OR4F15: variants seen among roughly 807,000 people sequenced by gnomAD.
The protein encoded by OR4F15 is olfactory receptor family 4 subfamily F member 15, also known as olfactory receptor 4F15.
A neutral mutation model predicts 11.9 loss-of-function variants in OR4F15; 7 were observed. That is an observed-to-expected ratio of 0.59 (90% CI 0.33 to 1.10). OR4F15 has a LOEUF of 1.10. Among genes scored for constraint, OR4F15 ranks in the 50% least tolerant of loss-of-function variants. The pLI is 0.03. For synonymous variants in OR4F15, 151 were observed against 134.6 expected, an observed-to-expected ratio of 1.12 and a Z score of -0.84; for missense variants, 445 against 377.5, an observed-to-expected ratio of 1.18 and a Z score of -1.48.
intron 1 of OR4F15, among the ~76,000 whole-genome samples, chr15:101,813,633 C>T (rs191110979): frequency 1.1e-4 from 16 of 152,050 alleles, no homozygotes; most frequent in Admixed American, 3.9e-4. Context: ...TGGTTCAGAA[C>T]GTAGTCTCAG....
At chr15:101,815,767 A>G (rs1902978208) in intron 1 of OR4F15, among the ~76,000 whole-genome samples, 1 of 152,184 alleles carries the variant, frequency 6.6e-6, no homozygotes, top group Non-Finnish European at 1.5e-5. Flanking sequence ...GAATTAATGA[A>G]CAAAAATCAT....
intron 1 of OR4F15, among the ~76,000 whole-genome samples, chr15:101,813,505 T>G (rs1194575856): frequency 9.5e-6 from 1 of 105,622 alleles, no homozygotes; most frequent in Admixed American, 9.6e-5. Flanking sequence ...TGAGAATCTG[T>G]CTCAAAAAAA....
intron 1 of OR4F15, among the ~76,000 whole-genome samples, chr15:101,813,675 A>G (rs766469511): frequency 6.6e-6 from 1 of 152,176 alleles, no homozygotes; most frequent in Non-Finnish European, 1.5e-5. Flanking sequence ...TTATTGATTG[A>G]GAATAATGAA....
chr15:101,819,346 C>T lies in OR4F15; in HGVS notation c.*221C>T, dbSNP rs1052718147. ...TATTAAATCTTAATGTCTTTTGTAA[C>T]CTACCACTTTGAAAGACCTTGTTCT... On this transcript the variant is annotated 3_prime_UTR_variant, in exon 2 of 2. Transcript: ENST00000332238. The T allele has an allele frequency of 8.2e-6, 4 of 485,708 alleles. No homozygotes were observed. Among genetic ancestry groups the T allele is most frequent in the African/African-American group, 7.8e-5 (4 of 51,572 alleles). 30.1% of individuals were successfully genotyped at this position (485,708 alleles called of 1,614,324 possible). A position where few individuals can be genotyped will look rare whatever the true frequency, so the allele number is the denominator to read the frequency against.
Position 101,819,600 on chromosome 15 carries a change from CG to C in OR4F15, c.*477del, listed in dbSNP as rs1903068508. On this transcript the variant is annotated 3_prime_UTR_variant, in exon 2 of 2. Transcript: ENST00000332238. ...CAGCTCACTGCAACCTCTGCCTCTC[CG>C]GTTCAAGGGTTCGAGTAATTCTCCT... is the stretch of plus-strand genomic sequence containing the variant. 1 of 153,248 alleles carries C rather than the reference CG, an allele frequency of 6.5e-6. No homozygotes were observed. Among genetic ancestry groups the C allele is most frequent in the African/African-American group, 2.4e-5 (1 of 41,422 alleles). 9.5% of individuals were successfully genotyped at this position (153,248 alleles called of 1,614,324 possible).
rs1445530000 is a variant in OR4F15 at position 101,819,944 on chromosome 15, A to G, written c.*819A>G. The G allele has an allele frequency of 1.3e-5, 2 of 152,204 alleles. No individual in the cohort carries two copies. Among genetic ancestry groups the G allele is most frequent in the Non-Finnish European group, 2.9e-5 (2 of 68,040 alleles). The allele number at this position is 152,204 out of a possible 1,614,324, so 9.4% of individuals were successfully genotyped here. On this transcript the variant is annotated 3_prime_UTR_variant, in exon 2 of 2. Transcript: ENST00000332238. ...GGCCATCTACAAAATTGTTAGTCCT[A>G]TATTTAGAATATTCAAATTTAAAGT...
intron 1 of OR4F15, among the ~76,000 whole-genome samples, chr15:101,815,062 T>C (rs1019675648): frequency 7.9e-5 from 12 of 152,280 alleles, no homozygotes; most frequent in African/African-American, 2.9e-4. Flanking sequence ...GATTTATTTT[T>C]GTCTTTGTTA....
At chr15:101,817,359 T>A (rs1903006949) in intron 1 of OR4F15, among the ~76,000 whole-genome samples, 1 of 152,230 alleles carries the variant, frequency 6.6e-6, no homozygotes, top group Non-Finnish European at 1.5e-5. Context: ...TTCTTCAGTC[T>A]CATTAATTTA....
rs908156222 is a variant in OR4F15, at chr15:101,818,817, T to A, written c.631T>A (p.Phe211Ile). The A allele has an allele frequency of 1.2e-6, 2 of 1,614,034 alleles. No homozygotes were observed. Among genetic ancestry groups the A allele is most frequent in the African/African-American group, 2.7e-5 (2 of 74,920 alleles). ...TAGTGGACTCATTTCTGTGGGCTCC[T>A]TTGTCTTGCTGGTAATTTCCTACAT... ...VNSGLISVGSFVLLVISYIFI... is the reference protein window; with the variant it reads ...VNSGLISVGSIVLLVISYIFI... Residue 211 changes from phenylalanine to isoleucine, a missense_variant, in exon 2 of 2, where the codon TTT becomes ATT. By Grantham distance (21) the Phe-to-Ile change is conservative. Transcript: ENST00000332238.
intron 1 of OR4F15, among the ~76,000 whole-genome samples, chr15:101,817,409 T>A (rs1024497163): frequency 1.3e-5 from 2 of 152,176 alleles, no homozygotes; most frequent in Non-Finnish European, 2.9e-5. Flanking sequence ...ATTATGTGAC[T>A]GATTGTGTTG....
chr15:101,815,476 G>A (rs1461549277), intron 1 of OR4F15, among the ~76,000 whole-genome samples: 1 of 152,092 alleles, frequency 6.6e-6, no homozygotes, highest in Non-Finnish European at 1.5e-5. Context: ...CTGGAAAATA[G>A]TGTAATAGAA....
At chr15:101,812,650 T>C (rs1396179527) in intron 1 of OR4F15, among the ~76,000 whole-genome samples, 1 of 152,196 alleles carries the variant, frequency 6.6e-6, no homozygotes, top group Non-Finnish European at 1.5e-5. Context: ...GTTCATCAGA[T>C]ACTAGTCATA....
intron 1 of OR4F15, among the ~76,000 whole-genome samples, chr15:101,814,981 T>G (rs1222976476): frequency 6.6e-6 from 1 of 152,216 alleles, no homozygotes; most frequent in African/African-American, 2.4e-5. Flanking sequence ...CATATTTTTA[T>G]TATTCCTACT....
At position 101,818,630 on chromosome 15, in the gene OR4F15, C is replaced by A; in HGVS notation, c.444C>A (p.Ser148=). Residue 148 remains serine (S), a synonymous_variant, in exon 2 of 2, where the codon TCC becomes TCA. Coordinates refer to ENST00000332238, the MANE Select transcript of OR4F15 (RefSeq NM_001001674.2). ...TGTGTCTATACTTTTTAGCCACTTC[C>A]TCTATCATTGGCCTTATCCACTCAT... ...PRMCLYFLAT[S]SIIGLIHSLV... is the part of the protein sequence containing the mutation. 2 of 1,614,148 alleles carry A rather than the reference C, an allele frequency of 1.2e-6. No homozygotes were observed. The highest frequency in any genetic ancestry group is 1.7e-6 in the Non-Finnish European group (2 of 1,180,002).
rs1256250100 is a variant in OR4F15 at position 101,818,572 on chromosome 15, C to T, written c.386C>T (p.Pro129Leu). 1 of 1,614,058 alleles carries T rather than the reference C, an allele frequency of 6.2e-7. No homozygotes were observed. The highest frequency in any genetic ancestry group is 1.3e-5 in the African/African-American group (1 of 74,918). Reference sequence around the variant, plus strand: ...GACAGATACATGGCCATATGTAAACCTCTCCACTACCTGACCATCATGAGC... The same window carrying T: ...GACAGATACATGGCCATATGTAAACTTCTCCACTACCTGACCATCATGAGC... ...AFDRYMAICK[P>L]LHYLTIMSPR... Residue 129 changes from proline (P) to leucine (L), a missense_variant, in exon 2 of 2, where the codon CCT becomes CTT. Coordinates refer to ENST00000332238, the MANE Select transcript of OR4F15 (RefSeq NM_001001674.2).
In OR4F15 at chr15:101,819,003, A is replaced by C; in HGVS notation, c.817A>C (p.Ile273Leu). ...PTSHLDKYLA[I>L]FDAFITPFLN... ...ATCACACCTGGATAAATATCTTGCT[A>C]TTTTTGATGCATTTATTACTCCTTT... The change falls in exon 2 of 2, where the codon ATT becomes CTT. Residue 273 changes from isoleucine to leucine, a missense_variant. By Grantham distance (5) the Ile-to-Leu change is conservative. Transcript: ENST00000332238. 1.2e-6 allele frequency: 2 copies of C among 1,614,032 alleles called. No homozygotes were observed. The highest frequency in any genetic ancestry group is 1.7e-6 in the Non-Finnish European group (2 of 1,179,972).
intron 1 of OR4F15, among the ~76,000 whole-genome samples, chr15:101,815,338 C>T (rs1157473543): frequency 2.0e-5 from 3 of 152,092 alleles, no homozygotes; most frequent in Admixed American, 2.0e-4. Context: ...CAAATCTCCC[C>T]AGCATTGTTT....
At chr15:101,814,470 G>A (rs1023840222) in intron 1 of OR4F15, among the ~76,000 whole-genome samples, 1 of 152,168 alleles carries the variant, frequency 6.6e-6, no homozygotes, top group African/African-American at 2.4e-5. Context: ...AGCAAAACAA[G>A]GGACTTTAGT....
At position 101,818,208 on chromosome 15, in the gene OR4F15, G is replaced by A. The variant is rs746314780; in HGVS notation, c.22G>A (p.Val8Met). Residue 8 changes from valine to methionine, a missense_variant, in exon 2 of 2, where the codon GTG becomes ATG. By Grantham distance (21) the Val-to-Met change is conservative. Coordinates refer to ENST00000332238, the MANE Select transcript of OR4F15 (RefSeq NM_001001674.2). Reference sequence around the variant, plus strand: ...GGCAATGAATGGAATGAATCACTCTGTGGTATCAGAATTTGTATTCATGGG... The same window carrying A: ...GGCAATGAATGGAATGAATCACTCTATGGTATCAGAATTTGTATTCATGGG... MNGMNHS[V>M]VSEFVFMGLT... The A allele has an allele frequency of 1.9e-6, 3 of 1,611,072 alleles. No homozygotes were observed. In the South Asian group the frequency reaches 3.3e-5, roughly 18 times the overall value.
Sources: allele counts gnomAD v4.1 joint callset (sites outside exome capture counted in the v4.1 genomes callset), GRCh38; gene constraint gnomAD v4.1.1; transcripts MANE v1.5; gene names NCBI Gene and HGNC (gene_info 2026-07-23, HGNC 2026-07-21).